The following ADAMTS20 variants were observed in gnomAD, a reference collection of about 807,000 sequenced individuals.
ADAMTS20 encodes the protein A disintegrin and metalloproteinase with thrombospondin motifs 20.
Under a neutral mutation model 260.1 loss-of-function variants are expected in ADAMTS20, and 225 were observed. That is an observed-to-expected ratio of 0.87 (90% confidence interval 0.78 to 0.97). The LOEUF is 0.97. Ranked by LOEUF, ADAMTS20 falls within the 50% of genes least tolerant of loss-of-function variation. The pLI is 0.00. For synonymous variants in ADAMTS20, 802 were observed against 769.5 expected, an observed-to-expected ratio of 1.04 and a Z score of -0.70; for missense variants, 2,400 against 2,337.7, an observed-to-expected ratio of 1.03 and a Z score of -0.55.
chr12:43,487,376 A>G (rs1942538579), intron 7 of ADAMTS20, among the ~76,000 whole-genome samples: 1 of 151,476 alleles, frequency 6.6e-6, no homozygotes, highest in African/African-American at 2.4e-5. Flanking sequence ...ATGGGTATGC[A>G]AAGGCATACA....
intron 37 of ADAMTS20, among the ~76,000 whole-genome samples, chr12:43,359,286 G>C (rs1165241520): frequency 6.6e-6 from 1 of 152,222 alleles, no homozygotes. Flanking sequence ...AAAAAGGTAA[G>C]TATGGGTATA....
intron 2 of ADAMTS20, among the ~76,000 whole-genome samples, chr12:43,543,459 G>A (rs1025181284): frequency 1.3e-5 from 2 of 152,196 alleles, no homozygotes; most frequent in Non-Finnish European, 2.9e-5. Flanking sequence ...GTTGGGGTTA[G>A]GGTTGCAGTC....
chr12:43,378,050 A>G (rs575444929), intron 31 of ADAMTS20, among the ~76,000 whole-genome samples: 3 of 152,338 alleles, frequency 2.0e-5, no homozygotes, highest in East Asian at 3.9e-4. Flanking sequence ...TAAAGCCCCA[A>G]TCCAAAAATG....
At chr12:43,427,519 T>C in intron 26 of ADAMTS20, 50 bp from the exon 27 acceptor site, 1 of 1,488,730 alleles carries the variant, frequency 6.7e-7, no homozygotes, top group Non-Finnish European at 8.9e-7. Context: ...TTCCACATAA[T>C]GAATTTACAT....
At chr12:43,375,601 T>C in intron 35 of ADAMTS20, 89 bp from the exon 36 acceptor site, 1 of 1,384,050 alleles carries the variant, frequency 7.2e-7, no homozygotes, top group African/African-American at 1.5e-5. Flanking sequence ...TAAAACACAC[T>C]CCTGCTCTTT....
rs1018712244 is a variant in ADAMTS20 at position 43,505,963 on chromosome 12, T to C, written c.614-3558A>G. Among the ~76,000 whole-genome samples, 3 of 152,116 alleles carry C rather than the reference T, an allele frequency of 2.0e-5. No individual in the cohort carries two copies. In the South Asian group the frequency reaches 6.2e-4, roughly 32 times the overall value. On this transcript the variant is annotated intron_variant, in intron 3 of 38. Coordinates refer to ENST00000389420, the MANE Select transcript of ADAMTS20 (RefSeq NM_025003.5). ...ACATACAATGAAATATTATTCAGTATATAAAAGGAAAGAAGGCATGTGTGG... is the reference window on the plus strand; with the variant it reads ...ACATACAATGAAATATTATTCAGTACATAAAAGGAAAGAAGGCATGTGTGG...
At chr12:43,516,454 G>A (rs1259072816) in intron 3 of ADAMTS20, among the ~76,000 whole-genome samples, 1 of 152,154 alleles carries the variant, frequency 6.6e-6, no homozygotes, top group East Asian at 1.9e-4. Flanking sequence ...ACTTCACTAA[G>A]CATTTACAAT....
intron 14 of ADAMTS20, among the ~76,000 whole-genome samples, chr12:43,448,159 C>CAA (rs35186972): frequency 6.6e-6 from 1 of 151,682 alleles, no homozygotes; most frequent in Admixed American, 6.6e-5. Flanking sequence ...CACATGGAAC[C>CAA]AAAAAAAGAG....
intron 36 of ADAMTS20, among the ~76,000 whole-genome samples, chr12:43,371,754 A>G (rs979474301): frequency 6.6e-6 from 1 of 152,186 alleles, no homozygotes; most frequent in East Asian, 1.9e-4. Flanking sequence ...CATGGGGCTC[A>G]GGGCAGCAGA....
At chr12:43,439,773 C>T (rs1941625901) in intron 17 of ADAMTS20, 22 bp from the exon 18 acceptor site, 1 of 1,592,344 alleles carries the variant, frequency 6.3e-7, no homozygotes, top group Non-Finnish European at 8.6e-7. Flanking sequence ...TATAAAAGAA[C>T]ATACAATTAA....
At chr12:43,401,336 A>C (rs1391626518) in intron 28 of ADAMTS20, among the ~76,000 whole-genome samples, 2 of 151,932 alleles carry the variant, frequency 1.3e-5, no homozygotes, top group African/African-American at 4.8e-5. Context: ...CCAAGAATCC[A>C]AGAATCAGCC....
intron 11 of ADAMTS20, among the ~76,000 whole-genome samples, chr12:43,461,014 G>A (rs1326780944): frequency 1.2e-4 from 4 of 34,782 alleles, no homozygotes; most frequent in Non-Finnish European, 2.2e-4. Flanking sequence ...TTTTTTTTGA[G>A]ACGAAGTCTC....
At chr12:43,456,735 C>T (rs1444576756) in intron 11 of ADAMTS20, among the ~76,000 whole-genome samples, 1 of 152,148 alleles carries the variant, frequency 6.6e-6, no homozygotes, top group African/African-American at 2.4e-5. Context: ...TCCCTACTGG[C>T]TAGGGTTGGA....
chr12:43,528,553 T>C (rs1472422773), intron 3 of ADAMTS20, among the ~76,000 whole-genome samples: 1 of 151,628 alleles, frequency 6.6e-6, no homozygotes, highest in Non-Finnish European at 1.5e-5. Flanking sequence ...ACTACATAAA[T>C]TGGAAAACGG....
chr12:43,548,831 G>T (rs58063111), intron 2 of ADAMTS20, among the ~76,000 whole-genome samples: 2,795 of 152,074 alleles, frequency 0.018, 59 homozygotes, highest in East Asian at 0.11. Flanking sequence ...GAGAAATTAT[G>T]TAAAATAAAG....
intron 3 of ADAMTS20, among the ~76,000 whole-genome samples, chr12:43,511,253 A>G (rs1942920307): frequency 6.6e-6 from 1 of 152,004 alleles, no homozygotes; most frequent in South Asian, 2.1e-4. Flanking sequence ...CCTCCCATTC[A>G]TCCTTCATTT....
intron 27 of ADAMTS20, among the ~76,000 whole-genome samples, chr12:43,426,999 C>T (rs188718359): frequency 1.6e-3 from 236 of 152,038 alleles, no homozygotes; most frequent in Admixed American, 3.1e-3. Context: ...TGGTGAAATT[C>T]CCATCTTTAT....
chr12:43,542,914 A>G (rs1179763801), intron 2 of ADAMTS20, among the ~76,000 whole-genome samples: 1 of 152,090 alleles, frequency 6.6e-6, no homozygotes. Context: ...TCCTCCTGAG[A>G]CCCCATTTTA....
intron 3 of ADAMTS20, among the ~76,000 whole-genome samples, 185 bp downstream of exon 3, chr12:43,531,851 C>T (rs1943225463): frequency 6.6e-6 from 1 of 152,050 alleles, no homozygotes; most frequent in Admixed American, 6.6e-5. Flanking sequence ...AGCCATTCCA[C>T]AATGTATGCA....
Sources: allele counts gnomAD v4.1 joint callset (sites outside exome capture counted in the v4.1 genomes callset), GRCh38; gene constraint gnomAD v4.1.1; transcripts MANE v1.5; gene names NCBI Gene and HGNC (gene_info 2026-07-23, HGNC 2026-07-21).